LYPD6B: variants seen among roughly 807,000 people sequenced by gnomAD.
LYPD6B encodes ly6/PLAUR domain-containing protein 6B.
Under a neutral mutation model 22.8 loss-of-function variants are expected in LYPD6B, and 17 were observed. That is an observed-to-expected ratio of 0.75 (90% CI 0.51 to 1.12). The LOEUF (loss-of-function observed/expected upper bound fraction) is 1.12. Among genes scored for constraint, LYPD6B ranks in the 50% most tolerant of loss-of-function variants. The probability of loss-of-function intolerance (pLI) is 0.00; values close to 1 mark genes in which losing one functional copy is unlikely to be tolerated. For missense variants in LYPD6B, 221 were observed against 258.3 expected (o/e 0.86, Z 0.99); for synonymous variants, 106 against 91.6 (o/e 1.16, Z -0.90).
chr2:149,066,181 A>T (rs1461721831), intron 1 of LYPD6B, among the ~76,000 whole-genome samples: 6 of 150,264 alleles, frequency 4.0e-5, no homozygotes, highest in Admixed American at 6.6e-5. Context: ...CAAATTTATT[A>T]TTTTTTTAAT....
At chr2:149,198,364 G>A (rs1286080209) in intron 3 of LYPD6B, among the ~76,000 whole-genome samples, 2 of 152,038 alleles carry the variant, frequency 1.3e-5, no homozygotes, top group East Asian at 3.9e-4. Flanking sequence ...TTTCTATGTG[G>A]AGCTCTTACC....
intron 1 of LYPD6B, among the ~76,000 whole-genome samples, chr2:149,065,950 G>A (rs898406078): frequency 2.0e-5 from 3 of 152,066 alleles, no homozygotes; most frequent in Admixed American, 6.6e-5. Context: ...GAACTCAAGA[G>A]ATCTGCCCAC....
chr2:149,164,455 A>T (rs1559044603), intron 3 of LYPD6B, among the ~76,000 whole-genome samples: 1 of 152,084 alleles, frequency 6.6e-6, no homozygotes, highest in Admixed American at 6.6e-5. Context: ...TCCCTTAGTG[A>T]TGCTGATCTT....
At position 149,145,425 on chromosome 2, in the gene LYPD6B, C is replaced by T. The variant is rs1448898391; in HGVS notation, c.5+14472C>T. On this transcript the variant is annotated intron_variant, in intron 2 of 6. Coordinates refer to ENST00000409642, the MANE Select transcript of LYPD6B (RefSeq NM_177964.5). ...TAACAGTTTACTTGGAAGACACAAG[C>T]CCGGGTGCGAGAGTGAGGGAAAACA... Among the ~76,000 whole-genome samples, 3 of 152,270 alleles carry T rather than the reference C, an allele frequency of 2.0e-5. No individual in the cohort carries two copies. In the East Asian group the frequency reaches 5.8e-4, roughly 29 times the overall value.
intron 3 of LYPD6B, chr2:149,204,567 G>C (rs1256298392): frequency 6.5e-6 from 1 of 154,316 alleles, no homozygotes; most frequent in African/African-American, 2.4e-5. Flanking sequence ...ACATTATATG[G>C]TTGTCAGCTT....
At chr2:149,181,104 C>T (rs1171213190) in intron 3 of LYPD6B, among the ~76,000 whole-genome samples, 2 of 152,122 alleles carry the variant, frequency 1.3e-5, no homozygotes, top group Admixed American at 1.3e-4. Context: ...GGGTGAGGGA[C>T]CCAGAGTACC....
Position 149,130,919 on chromosome 2 carries a change from T to G in LYPD6B, c.-30T>G. On this transcript the variant is annotated 5_prime_UTR_variant, in exon 2 of 7. Transcript: ENST00000409642. ...TTCTGCCTGCTGTTGGCAACCCTCCTGGACTAGGCTGCTCTTGTTAATCAC... is the reference window on the plus strand; with the variant it reads ...TTCTGCCTGCTGTTGGCAACCCTCCGGGACTAGGCTGCTCTTGTTAATCAC... 1 of 1,592,976 alleles carries G rather than the reference T, an allele frequency of 6.3e-7. No homozygotes were observed. The highest frequency in any genetic ancestry group is 8.6e-7 in the Non-Finnish European group (1 of 1,160,994).
intron 3 of LYPD6B, among the ~76,000 whole-genome samples, chr2:149,189,302 T>C (rs1294994365): frequency 7.1e-6 from 1 of 141,688 alleles, no homozygotes; most frequent in African/African-American, 2.6e-5. Flanking sequence ...CAATATGGGC[T>C]AATGAGGGTA....
intron 5 of LYPD6B, among the ~76,000 whole-genome samples, chr2:149,212,002 T>C (rs183237215): frequency 6.6e-6 from 1 of 150,766 alleles, no homozygotes; most frequent in East Asian, 1.9e-4. Flanking sequence ...ACAGAGAAAG[T>C]AAAAGAGGAG....
intron 1 of LYPD6B, among the ~76,000 whole-genome samples, chr2:149,061,990 A>G (rs977664561): frequency 2.0e-5 from 3 of 147,400 alleles, no homozygotes; most frequent in African/African-American, 7.5e-5. Context: ...TTTTTTTGAG[A>G]TGGAGTTTCA....
At chr2:149,078,797 T>C (rs955371703) in intron 1 of LYPD6B, among the ~76,000 whole-genome samples, 1 of 152,036 alleles carries the variant, frequency 6.6e-6, no homozygotes, top group African/African-American at 2.4e-5. Flanking sequence ...GCTCAAGCCC[T>C]GGAGTTCGAG....
At chr2:149,180,444 G>A (rs184842347) in intron 3 of LYPD6B, among the ~76,000 whole-genome samples, 118 of 152,244 alleles carry the variant, frequency 7.8e-4, no homozygotes, top group African/African-American at 2.4e-3. Context: ...TTCTTAAGGT[G>A]GTTTTTGTTG....
At chr2:149,089,912 A>G (rs1685572803) in intron 1 of LYPD6B, among the ~76,000 whole-genome samples, 1 of 152,220 alleles carries the variant, frequency 6.6e-6, no homozygotes, top group South Asian at 2.1e-4. Context: ...TTGTTATTGC[A>G]GCCAAATGTT....
chr2:149,107,049 A>T (rs894462326), intron 1 of LYPD6B, among the ~76,000 whole-genome samples: 4 of 152,230 alleles, frequency 2.6e-5, no homozygotes, highest in Non-Finnish European at 4.4e-5. Flanking sequence ...AGTTATAATT[A>T]GGCACAATAA....
chr2:149,046,296 G>A (rs1683300711), intron 1 of LYPD6B, among the ~76,000 whole-genome samples: 1 of 152,046 alleles, frequency 6.6e-6, no homozygotes. Context: ...AAAATAACCT[G>A]TATACTTAAG....
intron 3 of LYPD6B, among the ~76,000 whole-genome samples, chr2:149,185,558 A>G (rs1350597343): frequency 6.6e-6 from 1 of 152,222 alleles, no homozygotes; most frequent in Non-Finnish European, 1.5e-5. Flanking sequence ...TCTCCTCCCT[A>G]GTCAGTTTGG....
At chr2:149,184,988 T>C (rs1016477063) in intron 3 of LYPD6B, among the ~76,000 whole-genome samples, 2 of 152,214 alleles carry the variant, frequency 1.3e-5, no homozygotes, top group Admixed American at 1.3e-4. Context: ...CTTTGTTCAT[T>C]CCAAGATATT....
intron 1 of LYPD6B, among the ~76,000 whole-genome samples, chr2:149,119,428 G>C (rs925641571): frequency 1.3e-5 from 2 of 152,182 alleles, no homozygotes; most frequent in Non-Finnish European, 2.9e-5. Context: ...TTGTCTTTCT[G>C]ACAACCACTG....
rs1306020461 is a variant in LYPD6B, at chr2:149,205,320, G to C, written c.145G>C (p.Ala49Pro). 6.2e-7 allele frequency: 1 copy of C among 1,614,006 alleles called. No homozygotes were observed. The highest frequency in any genetic ancestry group is 1.7e-5 in the Admixed American group (1 of 60,024). The change falls in exon 4 of 7, where the codon GCT becomes CCT. Residue 49 changes from alanine (A) to proline (P), a missense_variant. Physicochemically the swap from Ala to Pro is conservative, Grantham distance 27. Transcript: ENST00000409642. ...MLLLCHALAI[A>P]VVQIVIFSES... ...GCTCCTCTGTCACGCTCTCGCTATA[G>C]CTGTTGTCCAGATCGTTATCTTCTC...
Sources: allele counts gnomAD v4.1 joint callset (sites outside exome capture counted in the v4.1 genomes callset), GRCh38; gene constraint gnomAD v4.1.1; transcripts MANE v1.5; gene names NCBI Gene and HGNC (gene_info 2026-07-23, HGNC 2026-07-21).